Variants in ZC2HC1A observed in about 807,000 individuals in gnomAD.
The protein encoded by ZC2HC1A is zinc finger C2HC domain-containing protein 1A.
ZC2HC1A carries 28 observed loss-of-function variants against 40.7 expected under a neutral mutation model. That is an observed-to-expected ratio of 0.69 (90% CI 0.51 to 0.94). The LOEUF is 0.94. Ranked by LOEUF, ZC2HC1A falls within the 40% of genes least tolerant of loss-of-function variation. ZC2HC1A has a pLI of 0.00. For synonymous variants in ZC2HC1A, 129 were observed against 129.2 expected, an observed-to-expected ratio of 1.00 and a Z score of 0.01; for missense variants, 389 against 386.3, an observed-to-expected ratio of 1.01 and a Z score of -0.06.
At chr8:78,680,931 G>A (rs1401983992) in intron 3 of ZC2HC1A, among the ~76,000 whole-genome samples, 1 of 152,168 alleles carries the variant, frequency 6.6e-6, no homozygotes, top group Admixed American at 6.5e-5. Context: ...AATGAGCAGG[G>A]CTGAAATTGT....
At chr8:78,715,423 A>G (rs1347114914) in intron 8 of ZC2HC1A, 95 bp downstream of exon 8, 55 of 1,158,258 alleles carry the variant, frequency 4.7e-5, no homozygotes, top group Non-Finnish European at 6.1e-5. Flanking sequence ...CAAGCTATTT[A>G]TAGAAAACCT....
chr8:78,671,643 G>A (rs1383303318), intron 1 of ZC2HC1A, among the ~76,000 whole-genome samples: 12 of 147,392 alleles, frequency 8.1e-5, no homozygotes. Flanking sequence ...TCATTTAACT[G>A]TTGTTAAACT....
chr8:78,693,596 A>C (rs888714266), intron 5 of ZC2HC1A, among the ~76,000 whole-genome samples: 1 of 151,684 alleles, frequency 6.6e-6, no homozygotes, highest in Non-Finnish European at 1.5e-5. Context: ...TTTTTCTTGT[A>C]AATTTGTTGG....
Position 78,678,585 on chromosome 8 carries a change from A to G in ZC2HC1A, c.116A>G (p.Gln39Arg), listed in dbSNP as rs1410306123. ...CAGAAAAAACATGGACCCATTTGCC[A>G]GAAGACTGCAACTAAAAAACGGAAG... The part of the protein sequence containing the change: ...VALKKHGPIC[Q>R]KTATKKRKTF... Residue 39 changes from glutamine to arginine, a missense_variant, in exon 3 of 9, where the codon CAG (glutamine) becomes CGG (arginine). Gln to Arg is a conservative substitution (Grantham distance 43). Transcript: ENST00000263849. The G allele has an allele frequency of 6.2e-7, 1 of 1,611,454 alleles. No homozygotes were observed.
chr8:78,681,714 T>C (rs1809785319), intron 3 of ZC2HC1A, among the ~76,000 whole-genome samples: 2 of 152,140 alleles, frequency 1.3e-5, no homozygotes, highest in Non-Finnish European at 2.9e-5. Flanking sequence ...CTAAAATAAA[T>C]GACATTTTGA....
intron 3 of ZC2HC1A, among the ~76,000 whole-genome samples, chr8:78,683,275 C>T (rs1432293326): frequency 2.0e-5 from 3 of 152,258 alleles, no homozygotes; most frequent in Non-Finnish European, 4.4e-5. Context: ...TTTTGCAGTG[C>T]CCTAGCAGAG....
At chr8:78,698,728 A>G (rs908270141) in intron 7 of ZC2HC1A, among the ~76,000 whole-genome samples, 1 of 152,230 alleles carries the variant, frequency 6.6e-6, no homozygotes, top group African/African-American at 2.4e-5. Flanking sequence ...CTTAGAAATC[A>G]TAGCTTAAAT....
chr8:78,709,087 G>A (rs910375703), intron 7 of ZC2HC1A, among the ~76,000 whole-genome samples: 3 of 152,098 alleles, frequency 2.0e-5, no homozygotes, highest in African/African-American at 7.2e-5. Flanking sequence ...CTTATTACCA[G>A]TTTAAATGGA....
chr8:78,714,065 A>G (rs1280458902), intron 7 of ZC2HC1A, among the ~76,000 whole-genome samples: 1 of 152,252 alleles, frequency 6.6e-6, no homozygotes, highest in East Asian at 1.9e-4. Flanking sequence ...AAGAACCTCT[A>G]ATCTGGAGGT....
At chr8:78,707,700 G>A (rs542287516) in intron 7 of ZC2HC1A, among the ~76,000 whole-genome samples, 1 of 152,094 alleles carries the variant, frequency 6.6e-6, no homozygotes, top group South Asian at 2.1e-4. Flanking sequence ...TAAGATCCTT[G>A]CAGATTAAAG....
intron 5 of ZC2HC1A, among the ~76,000 whole-genome samples, chr8:78,690,209 C>T (rs572692101): frequency 1.3e-5 from 2 of 152,122 alleles, no homozygotes; most frequent in Non-Finnish European, 2.9e-5. Context: ...GAATAGTGAA[C>T]CTTAATAAGC....
intron 5 of ZC2HC1A, among the ~76,000 whole-genome samples, chr8:78,695,900 G>A (rs1184343306): frequency 6.6e-6 from 1 of 152,134 alleles, no homozygotes; most frequent in Non-Finnish European, 1.5e-5. Context: ...CACATACAGA[G>A]TTAGAAGGAT....
At chr8:78,700,367 T>C (rs1043457977) in intron 7 of ZC2HC1A, among the ~76,000 whole-genome samples, 4 of 152,120 alleles carry the variant, frequency 2.6e-5, no homozygotes, top group Non-Finnish European at 5.9e-5. Flanking sequence ...GTTTTTTTCT[T>C]GTAAGTTTGT....
intron 1 of ZC2HC1A, among the ~76,000 whole-genome samples, chr8:78,672,816 C>T (rs1809472345): frequency 6.6e-6 from 1 of 152,070 alleles, no homozygotes. Context: ...ATTTGTTTTA[C>T]AGCAACTGAC....
chr8:78,691,650 C>A (rs150827418), intron 5 of ZC2HC1A, among the ~76,000 whole-genome samples: 123 of 152,140 alleles, frequency 8.1e-4, no homozygotes, highest in African/African-American at 2.7e-3. Context: ...TTCACCATTT[C>A]TTTTCCCTTT....
intron 5 of ZC2HC1A, among the ~76,000 whole-genome samples, chr8:78,690,605 A>G (rs1453436855): frequency 6.6e-6 from 1 of 151,998 alleles, no homozygotes; most frequent in Non-Finnish European, 1.5e-5. Flanking sequence ...ACATTTATAT[A>G]TACATTTTAT....
intron 8 of ZC2HC1A, among the ~76,000 whole-genome samples, chr8:78,716,513 TTAAA>T (rs2130619112): frequency 6.6e-6 from 1 of 152,184 alleles, no homozygotes; most frequent in South Asian, 2.1e-4. Context: ...TTTAATATCA[TTAAA>T]TAATAAAACT....
chr8:78,672,081 A>C (rs934893920), intron 1 of ZC2HC1A, among the ~76,000 whole-genome samples: 2 of 152,132 alleles, frequency 1.3e-5, no homozygotes, highest in African/African-American at 4.8e-5. Flanking sequence ...ACTTGAAGTT[A>C]GATAATGTAA....
rs35546691 is a variant in ZC2HC1A at position 78,687,837 on chromosome 8, TTATA to T, written c.352+1237_352+1240del. Among the ~76,000 whole-genome samples the T allele has an allele frequency of 2.4e-4, 24 of 101,688 alleles. 4 individuals are homozygous for T. The highest frequency in any genetic ancestry group is 9.8e-4 in the African/African-American group (23 of 23,506). 66.7% of individuals were successfully genotyped at this position (101,688 alleles called of 152,430 possible). ...TAAATATATATATTCATGTAATAAA[TTATA>T]TATATATTTATATAATATATATCTA... On this transcript the variant is annotated intron_variant, in intron 4 of 8. Transcript: ENST00000263849.
Sources: gnomAD v4.1 joint callset for allele counts (sites outside exome capture counted in the v4.1 genomes callset) on GRCh38, gnomAD v4.1.1 for gene constraint, MANE v1.5 for transcripts, NCBI Gene and HGNC (gene_info 2026-07-23, HGNC 2026-07-21) for gene names.